GRID2: variants seen among roughly 807,000 people sequenced by gnomAD.
GRID2 encodes the protein glutamate receptor ionotropic, delta-2.
GRID2 carries 33 observed loss-of-function variants against 114.8 expected under a neutral mutation model. The ratio of observed to expected loss-of-function variants is 0.29; its 90% CI spans 0.22 to 0.38. The LOEUF is 0.38. Among genes scored for constraint, GRID2 ranks in the 10% least tolerant of loss-of-function variants. The probability of loss-of-function intolerance (pLI) is 1.00; values close to 1 mark genes in which losing one functional copy is unlikely to be tolerated. For synonymous variants in GRID2, 505 were observed against 449.9 expected (o/e 1.12, Z -1.55); for missense variants, 1,184 against 1,257.7 (o/e 0.94, Z 0.89).
At chr4:92,552,415 T>G (rs1040148938) in intron 1 of GRID2, among the ~76,000 whole-genome samples, 15 of 152,032 alleles carry the variant, frequency 9.9e-5, no homozygotes, top group African/African-American at 3.6e-4. Context: ...AGAAAACTTG[T>G]GGGAAGTACA....
rs1233342128 is a variant in GRID2 at position 92,304,000 on chromosome 4, G to C, written c.-657G>C. ...CCCCGGGCCCGCCTCGCCAAGCTGC[G>C]TTCCGCGCCTCACGCAGAAAGGGAA... On this transcript the variant is annotated 5_prime_UTR_variant, in exon 1 of 16. Transcript: ENST00000282020. 6.5e-6 allele frequency: 1 copy of C among 152,704 alleles called. No homozygotes were observed. Among genetic ancestry groups the C allele is most frequent in the Non-Finnish European group, 1.5e-5 (1 of 68,432 alleles). 9.5% of individuals were successfully genotyped at this position (152,704 alleles called of 1,614,324 possible). A position where few individuals can be genotyped will look rare whatever the true frequency, so the allele number is the denominator to read the frequency against.
chr4:93,046,366 C>A (rs1348719060), intron 2 of GRID2, among the ~76,000 whole-genome samples: 2 of 152,006 alleles, frequency 1.3e-5, no homozygotes, highest in Non-Finnish European at 2.9e-5. Flanking sequence ...TTTTAAAGTT[C>A]ACATTCTTCT....
At chr4:92,987,982 G>T (rs1754616418) in intron 2 of GRID2, among the ~76,000 whole-genome samples, 1 of 152,078 alleles carries the variant, frequency 6.6e-6, no homozygotes, top group Admixed American at 6.5e-5. Context: ...TTGTGTTACA[G>T]ACTTAAAATT....
At chr4:93,507,932 C>T (rs1163539095) in intron 12 of GRID2, among the ~76,000 whole-genome samples, 5 of 151,780 alleles carry the variant, frequency 3.3e-5, no homozygotes, top group African/African-American at 9.7e-5. Flanking sequence ...GAGGAAATTG[C>T]CAAATATTTC....
At chr4:93,193,880 G>C (rs896996727) in intron 4 of GRID2, among the ~76,000 whole-genome samples, 2 of 152,180 alleles carry the variant, frequency 1.3e-5, no homozygotes, top group African/African-American at 4.8e-5. Flanking sequence ...GTACCTCACA[G>C]CATTTATGGC....
Position 93,186,242 on chromosome 4 carries a change from A to G in GRID2, c.736-21162A>G, listed in dbSNP as rs140622769. Among the ~76,000 whole-genome samples, 1,050 of 152,220 alleles carry G rather than the reference A, an allele frequency of 6.9e-3. 16 individuals are homozygous for G. The highest frequency in any genetic ancestry group is 0.024 in the Middle Eastern group (7 of 294). On this transcript the variant is annotated intron_variant, in intron 4 of 15. Transcript: ENST00000282020. ...GTCTTTATAGTAGCATGATTTATAT[A>G]CTTGGGTATATACCCAGTAGTGGGA...
Position 92,963,667 on chromosome 4 carries a change from A to G in GRID2, c.245-121328A>G, listed in dbSNP as rs573320109. Among the ~76,000 whole-genome samples the G allele has an allele frequency of 6.6e-5, 10 of 152,122 alleles. 1 individual carries two copies. In the South Asian group the frequency reaches 1.9e-3, roughly 28 times the overall value. ...ATGAAAGTTGGCATTAAATTCTTTC[A>G]GACTTCTGCTCATGTTGATTATGTT... On this transcript the variant is annotated intron_variant, in intron 2 of 15. Transcript: ENST00000282020.
chr4:92,959,684 G>T (rs1190049553), intron 2 of GRID2, among the ~76,000 whole-genome samples: 3 of 152,040 alleles, frequency 2.0e-5, no homozygotes, highest in Admixed American at 2.0e-4. Flanking sequence ...CATAAAAAAG[G>T]ATTAGTCCAT....
chr4:93,732,354 C>G (rs1730558013), intron 14 of GRID2, among the ~76,000 whole-genome samples: 4 of 152,112 alleles, frequency 2.6e-5, no homozygotes, highest in Admixed American at 2.6e-4. Flanking sequence ...TTAAATCACC[C>G]AGATTTTTGC....
At chr4:93,573,727 A>G (rs963060533) in intron 13 of GRID2, among the ~76,000 whole-genome samples, 1 of 152,138 alleles carries the variant, frequency 6.6e-6, no homozygotes, top group African/African-American at 2.4e-5. Context: ...GCTAATTGGG[A>G]ATCATAGATA....
intron 1 of GRID2, among the ~76,000 whole-genome samples, chr4:92,510,952 A>C (rs188643373): frequency 6.6e-6 from 1 of 151,978 alleles, no homozygotes; most frequent in East Asian, 1.9e-4. Context: ...GAAGTCAAGT[A>C]AATAACATAC....
chr4:93,593,094 G>A (rs1738583164), intron 13 of GRID2, among the ~76,000 whole-genome samples: 1 of 151,530 alleles, frequency 6.6e-6, no homozygotes, highest in African/African-American at 2.4e-5. Flanking sequence ...ATTTGATCCT[G>A]TCATTATGAT....
intron 8 of GRID2, among the ~76,000 whole-genome samples, chr4:93,331,126 A>ACCG (rs773766493): frequency 2.4e-5 from 3 of 123,550 alleles, no homozygotes; most frequent in African/African-American, 9.0e-5. Context: ...CTGCTATCTA[A>ACCG]CCCCCCCCCC....
At chr4:92,894,124 C>G (rs1039565916) in intron 2 of GRID2, among the ~76,000 whole-genome samples, 12 of 152,082 alleles carry the variant, frequency 7.9e-5, no homozygotes, top group African/African-American at 2.9e-4. Flanking sequence ...AGGCATTTAA[C>G]AAAAACATAC....
intron 2 of GRID2, among the ~76,000 whole-genome samples, chr4:92,868,041 T>C (rs935407577): frequency 2.2e-5 from 3 of 135,746 alleles, no homozygotes; most frequent in Non-Finnish European, 3.1e-5. Flanking sequence ...TCTTTCTTTC[T>C]TTCTTTCTTT....
rs78123839 is a variant in GRID2 at position 93,654,073 on chromosome 4, G to T, written c.2360+27638G>T. Among the ~76,000 whole-genome samples, 54 of 152,180 alleles carry T rather than the reference G, an allele frequency of 3.5e-4. 1 individual carries two copies. In the East Asian group the frequency reaches 0.01, roughly 29 times the overall value. On this transcript the variant is annotated intron_variant, in intron 14 of 15. Coordinates refer to ENST00000282020, the MANE Select transcript of GRID2 (RefSeq NM_001510.4). ...TTTCCTGGGTGTTTCTTAATAAGTG[G>T]ACTTATTGTAGCCCAGATGTCTGTC...
At chr4:93,803,733 C>A (rs570528759) in intron 1 of GRID2, among the ~76,000 whole-genome samples, 9 of 151,314 alleles carry the variant, frequency 5.9e-5, no homozygotes, top group East Asian at 3.9e-4. Flanking sequence ...AAAAAAAAAA[C>A]AAAAAACACC....
chr4:93,809,274 G>T (rs1324381995), exon 2 of GRID2: 1 of 152,094 alleles, frequency 6.6e-6, no homozygotes, highest in African/African-American at 2.4e-5. Flanking sequence ...TTTGAGTTCA[G>T]TCTCACTGGA....
At chr4:93,051,229 A>G (rs1726679919) in intron 2 of GRID2, among the ~76,000 whole-genome samples, 1 of 152,070 alleles carries the variant, frequency 6.6e-6, no homozygotes, top group Non-Finnish European at 1.5e-5. Context: ...CTGTAGTTTT[A>G]TTCTACATTG....
Sources: gnomAD v4.1 joint callset for allele counts (sites outside exome capture counted in the v4.1 genomes callset) on GRCh38, gnomAD v4.1.1 for gene constraint, MANE v1.5 for transcripts, NCBI Gene and HGNC (gene_info 2026-07-23, HGNC 2026-07-21) for gene names.